The following CARS1 variants were observed in gnomAD, a reference collection of about 807,000 sequenced individuals.
The protein encoded by CARS1 is cysteinyl-tRNA synthetase 1, also known as cysteine--tRNA ligase, cytoplasmic.
CARS1 carries 48 observed loss-of-function variants against 106.2 expected under a neutral mutation model. The ratio of observed to expected loss-of-function variants is 0.45; its 90% CI spans 0.36 to 0.57. The LOEUF is 0.57. Among genes scored for constraint, CARS1 ranks in the 20% least tolerant of loss-of-function variants. The pLI is 0.00. For synonymous variants in CARS1, 409 were observed against 403.4 expected (o/e 1.01, Z -0.17); for missense variants, 968 against 1,057.2 (o/e 0.92, Z 1.17).
In CARS1 at chr11:3,019,091, T is replaced by G. The variant is rs768875357; in HGVS notation, c.1395+48A>C. The stretch of plus-strand genomic sequence containing the variant: ...GGCTGACTTTTCCTCCACTGCAGTA[T>G]GAACACTGTGCTCTTGCACCTGACA... On this transcript the variant is annotated intron_variant, in intron 12 of 22. Coordinates refer to ENST00000380525, the MANE Select transcript of CARS1 (RefSeq NM_001014437.3). This position sits in a 1 kb window ranked among gnomAD's most constrained non-coding sequence, Gnocchi z 6.2. The G allele has an allele frequency of 1.3e-6, 2 of 1,497,780 alleles. No homozygotes were observed. Among genetic ancestry groups the G allele is most frequent in the Non-Finnish European group, 1.8e-6 (2 of 1,125,466 alleles). 92.8% of individuals were successfully genotyped at this position (1,497,780 alleles called of 1,614,324 possible). A position where few individuals can be genotyped will look rare whatever the true frequency, so the allele number is the denominator to read the frequency against.
chr11:3,040,089 C>T lies in CARS1; in HGVS notation c.456-158G>A, dbSNP rs991341936. Reference sequence around the variant, plus strand: ...CCCTTCTCCTCCTCAGTCTACTCAACGTGAAGATGGCAAGGATGATGACCT... The same window carrying T: ...CCCTTCTCCTCCTCAGTCTACTCAATGTGAAGATGGCAAGGATGATGACCT... On this transcript the variant is annotated intron_variant, in intron 4 of 22. Transcript: ENST00000380525. The surrounding 1 kb of genome is among the most constrained non-coding windows in gnomAD (Gnocchi z 5.8). 1.3e-5 allele frequency: 7 copies of T among 551,842 alleles called. No homozygotes were observed. The highest frequency in any genetic ancestry group is 3.7e-5 in the Admixed American group (1 of 26,868). 34.2% of individuals were successfully genotyped at this position (551,842 alleles called of 1,614,324 possible).
chr11:3,010,960 A>G (rs1850389418), intron 18 of CARS1, among the ~76,000 whole-genome samples: 1 of 152,114 alleles, frequency 6.6e-6, no homozygotes. Context: ...CAGACTTCCC[A>G]CCACACAGAG....
intron 16 of CARS1, among the ~76,000 whole-genome samples, chr11:3,016,747 G>A (rs1008273411): frequency 1.3e-5 from 2 of 152,014 alleles, no homozygotes; most frequent in Non-Finnish European, 2.9e-5. Flanking sequence ...CCAAGCAGCT[G>A]GAAAACAGGT....
intron 16 of CARS1, 127 bp downstream of exon 16, chr11:3,016,979 G>A (rs186494201): frequency 4.2e-5 from 29 of 694,032 alleles, no homozygotes; most frequent in South Asian, 2.3e-4. Flanking sequence ...ATATCTCCAC[G>A]TCTCAGAGGT....
In CARS1 at chr11:3,034,169, G is replaced by A. The variant is rs543078240; in HGVS notation, c.801+3881C>T. 5.7e-5 allele frequency among the ~76,000 whole-genome samples: 8 copies of A among 139,184 alleles called. No homozygotes were observed. Among genetic ancestry groups the A allele is most frequent in the Non-Finnish European group, 1.1e-4 (7 of 61,836 alleles). The allele number at this position is 139,184 out of a possible 152,430, so 91.3% of individuals were successfully genotyped here. ...CAGAGATGAATTCGTGTCTTAGTCT[G>A]TTTTCTGTTTTTTTGTTTGTTTGTT... On this transcript the variant is annotated intron_variant, in intron 7 of 22. Coordinates refer to ENST00000380525, the MANE Select transcript of CARS1 (RefSeq NM_001014437.3). This position sits in a 1 kb window ranked among gnomAD's most constrained non-coding sequence, Gnocchi z 6.3.
At position 3,047,871 on chromosome 11, in the gene CARS1, C is replaced by A. The variant is rs761950534; in HGVS notation, c.156G>T (p.Arg52Ser). The stretch of plus-strand genomic sequence containing the variant: ...GGTCAGCGGGCGGGGCCGAGAGCTG[C>A]CTGAACGCGTCCACGTCTGCCTGGG... ...SLSQADVDAF[R>S]QLSAPPADPQ... is the part of the protein sequence containing the mutation. Residue 52 changes from arginine to serine, a missense_variant, in exon 2 of 23, where the codon AGG becomes AGT. Arg to Ser is a moderately radical substitution (Grantham distance 110, BLOSUM62 -1). Coordinates refer to ENST00000380525, the MANE Select transcript of CARS1 (RefSeq NM_001014437.3). 1 of 1,614,116 alleles carries A rather than the reference C, an allele frequency of 6.2e-7. No individual in the cohort carries two copies.
At position 3,057,395 on chromosome 11, in the gene CARS1, G is replaced by A. The variant is rs781447285; in HGVS notation, c.-28C>T. On this transcript the variant is annotated 5_prime_UTR_variant, in exon 1 of 23. Coordinates refer to ENST00000380525, the MANE Select transcript of CARS1 (RefSeq NM_001014437.3). ...CTGGGAATCCCGGACCCGCAGCTGC[G>A]GCTACAGACACTTCCTAGAATCTGA... 8.7e-6 allele frequency: 14 copies of A among 1,605,456 alleles called. No individual in the cohort carries two copies. The highest frequency in any genetic ancestry group is 2.7e-5 in the African/African-American group (2 of 74,796).
At chr11:3,056,874 G>C (rs1234254590) in intron 1 of CARS1, among the ~76,000 whole-genome samples, 1 of 152,206 alleles carries the variant, frequency 6.6e-6, no homozygotes, top group Non-Finnish European at 1.5e-5. Context: ...ACCTCGGCAG[G>C]AACCAAGTGA....
intron 1 of CARS1, chr11:3,054,865 T>TA (rs1390466774): frequency 1.4e-6 from 1 of 702,304 alleles, no homozygotes; most frequent in Admixed American, 2.0e-5. Flanking sequence ...AAAATTAAAC[T>TA]ATAAGTCTGA....
rs1215678378 is a variant in CARS1 at position 3,022,681 on chromosome 11, G to T, written c.1154-2349C>A. Among the ~76,000 whole-genome samples the T allele has an allele frequency of 1.2e-4, 19 of 152,280 alleles. 1 individual carries two copies. The East Asian group carries it at 3.7e-3, about 29-fold the overall frequency. On this transcript the variant is annotated intron_variant, in intron 10 of 22. Coordinates refer to ENST00000380525, the MANE Select transcript of CARS1 (RefSeq NM_001014437.3). This position sits in a 1 kb window ranked among gnomAD's most constrained non-coding sequence, Gnocchi z 4.9. ...AAGCATGTTCATACCAGCACAACAG[G>T]GTCCTGTTCTCTCCCACTGGGGGAG...
rs1007011786 is a variant in CARS1 at position 3,043,240 on chromosome 11, C to T, written c.275-984G>A. Among the ~76,000 whole-genome samples, 3 of 152,068 alleles carry T rather than the reference C, an allele frequency of 2.0e-5. No individual in the cohort carries two copies. Among genetic ancestry groups the T allele is most frequent in the Non-Finnish European group, 4.4e-5 (3 of 68,002 alleles). On this transcript the variant is annotated intron_variant, in intron 2 of 22. Transcript: ENST00000380525. This position sits in a 1 kb window ranked among gnomAD's most constrained non-coding sequence, Gnocchi z 4.0. ...TCCTTACACAACCTGCATCTGAGATCCCTGAAGGGGCAGAGCTCTGTCCCT... is the reference window on the plus strand; with the variant it reads ...TCCTTACACAACCTGCATCTGAGATTCCTGAAGGGGCAGAGCTCTGTCCCT...
Position 3,041,246 on chromosome 11 carries a change from G to A in CARS1, c.367-262C>T. On this transcript the variant is annotated intron_variant, in intron 3 of 22. Coordinates refer to ENST00000380525, the MANE Select transcript of CARS1 (RefSeq NM_001014437.3). This position sits in a 1 kb window ranked among gnomAD's most constrained non-coding sequence, Gnocchi z 4.9. ...TCATCTATGGAGGGAGGCGATAAAG[G>A]GAATCAATGATTTTATTGATTGTTG... is the stretch of plus-strand genomic sequence containing the variant. The A allele has an allele frequency of 3.0e-5, 14 of 466,862 alleles. No homozygotes were observed. Among genetic ancestry groups the A allele is most frequent in the Non-Finnish European group, 4.6e-5 (12 of 260,480 alleles). The allele number at this position is 466,862 out of a possible 1,614,324, so 28.9% of individuals were successfully genotyped here.
rs1565039875 is a variant in CARS1 at position 3,017,073 on chromosome 11, C to CT, written c.1917+32dup. ...GGCCTGGCTCCTGTGTCCACACAGG[C>CT]TGAGGGATACGCCTGCCTGGGGCCT... On this transcript the variant is annotated intron_variant, in intron 16 of 22. Transcript: ENST00000380525. The surrounding 1 kb of genome is among the most constrained non-coding windows in gnomAD (Gnocchi z 4.9). The CT allele has an allele frequency of 6.3e-7, 1 of 1,589,596 alleles. No individual in the cohort carries two copies. Among genetic ancestry groups the CT allele is most frequent in the South Asian group, 1.1e-5 (1 of 88,936 alleles).
intron 1 of CARS1, among the ~76,000 whole-genome samples, chr11:3,055,209 G>A (rs1169615473): frequency 1.3e-5 from 2 of 152,046 alleles, no homozygotes; most frequent in African/African-American, 4.8e-5. Flanking sequence ...CGCCCAGGCT[G>A]GAGTGCAGTG....
intron 18 of CARS1, among the ~76,000 whole-genome samples, chr11:3,011,198 G>A (rs917253237): frequency 6.6e-6 from 1 of 152,274 alleles, no homozygotes; most frequent in Non-Finnish European, 1.5e-5. Flanking sequence ...GCAAAGGCCT[G>A]CCTGATGCTG....
Position 3,042,203 on chromosome 11 carries a change from A to G in CARS1, c.328T>C (p.Cys110Arg). The change falls in exon 3 of 23, where the codon TGC (cysteine) becomes CGC (arginine). Residue 110 changes from cysteine to arginine, a missense_variant. Transcript: ENST00000380525. ...QWSPPAGTQP[C>R]RLHLYNSLTR... Reference sequence around the variant, plus strand: ...AGGCTGTTGTAAAGGTGGAGTCTGCATGGCTGGGTCCCAGCAGGAGGGGAC... The same window carrying G: ...AGGCTGTTGTAAAGGTGGAGTCTGCGTGGCTGGGTCCCAGCAGGAGGGGAC... 6.2e-7 allele frequency: 1 copy of G among 1,613,920 alleles called. No homozygotes were observed. The highest frequency in any genetic ancestry group is 1.1e-5 in the South Asian group (1 of 91,084).
Position 3,006,841 on chromosome 11 carries a change from C to T in CARS1, c.2149+38G>A, listed in dbSNP as rs770533133. ...TCTCCTTGTGACACCTCTCCAAGCT[C>T]CTGGTAACTTTGTAGCAAACAGCAA... On this transcript the variant is annotated intron_variant, in intron 19 of 22. Transcript: ENST00000380525. 6 of 1,536,142 alleles carry T rather than the reference C, an allele frequency of 3.9e-6. No homozygotes were observed. In the South Asian group the frequency reaches 5.6e-5, roughly 14 times the overall value.
In CARS1 at chr11:3,020,269, C is replaced by A; in HGVS notation, c.1217G>T (p.Trp406Leu). The change falls in exon 11 of 23, where the codon TGG becomes TTG. Residue 406 changes from tryptophan to leucine, a missense_variant. Transcript: ENST00000380525. This position sits in a 1 kb window ranked among gnomAD's most constrained non-coding sequence, Gnocchi z 4.6. ...CGGTTCTCCGGGCTTAGAGGCCTTC[C>A]ATAAGGCAAAGTCGTTGGGAGAGCG... ...EKRSPNDFALWKASKPGEPSW... is the reference protein window; with the variant it reads ...EKRSPNDFALLKASKPGEPSW... 1 of 1,613,980 alleles carries A rather than the reference C, an allele frequency of 6.2e-7. No individual in the cohort carries two copies. The highest frequency in any genetic ancestry group is 8.5e-7 in the Non-Finnish European group (1 of 1,179,808).
intron 1 of CARS1, among the ~76,000 whole-genome samples, chr11:3,054,095 C>T (rs886167002): frequency 6.6e-6 from 1 of 152,182 alleles, no homozygotes; most frequent in South Asian, 2.1e-4. Context: ...CACCCCTGCT[C>T]TCACCAACTA....
Sources: allele counts gnomAD v4.1 joint callset (sites outside exome capture counted in the v4.1 genomes callset), GRCh38; gene constraint gnomAD v4.1.1; non-coding constraint Gnocchi (gnomAD v3.1); transcripts MANE v1.5; gene names NCBI Gene and HGNC (gene_info 2026-07-23, HGNC 2026-07-21).